The following LOC128462377 variants were observed in gnomAD, a reference collection of about 807,000 sequenced individuals.
At chr16:89,363,952 T>A in the LOC128462377 span, among the ~76,000 whole-genome samples, 1 of 151,932 alleles carries the variant, frequency 6.6e-6, no homozygotes, top group African/African-American at 2.4e-5. Flanking sequence ...TCCCAGCAAC[T>A]CAGGAGCCTG....
At chr16:89,363,201 G>T in the LOC128462377 span, among the ~76,000 whole-genome samples, 1 of 152,108 alleles carries the variant, frequency 6.6e-6, no homozygotes, top group East Asian at 1.9e-4. Flanking sequence ...CCAGATAAAA[G>T]AATTCTGATC....
chr16:89,416,010 A>G, the LOC128462377 span, among the ~76,000 whole-genome samples: 1 of 151,870 alleles, frequency 6.6e-6, no homozygotes, highest in Non-Finnish European at 1.5e-5. Flanking sequence ...ACCTCATGCT[A>G]AGGGCCTTCC....
chr16:89,394,607 G>A, the LOC128462377 span, among the ~76,000 whole-genome samples: 1 of 148,190 alleles, frequency 6.7e-6, no homozygotes, highest in East Asian at 2.0e-4. Context: ...CAGCCTGGGC[G>A]ACAAAAGCAA....
At chr16:89,336,417 T>C in the LOC128462377 span, among the ~76,000 whole-genome samples, 1 of 152,260 alleles carries the variant, frequency 6.6e-6, no homozygotes, top group South Asian at 2.1e-4. Flanking sequence ...AAGGAGTCTG[T>C]TTGCTGTGGG....
chr16:89,325,562 T>G, the LOC128462377 span, among the ~76,000 whole-genome samples: 1 of 151,996 alleles, frequency 6.6e-6, no homozygotes, highest in Non-Finnish European at 1.5e-5. Context: ...GCAACTACAG[T>G]ACTTAGGGAT....
At chr16:89,370,320 G>A in the LOC128462377 span, among the ~76,000 whole-genome samples, 2 of 152,306 alleles carry the variant, frequency 1.3e-5, no homozygotes, top group African/African-American at 4.8e-5. Flanking sequence ...GTTTCTGGAA[G>A]GAGCTGTGAG....
the LOC128462377 span, among the ~76,000 whole-genome samples, chr16:89,345,265 G>A: frequency 9.2e-5 from 2 of 21,838 alleles, no homozygotes; most frequent in East Asian, 1.5e-3. Flanking sequence ...CCCACCCCCC[G>A]GCAAAAGGAG....
chr16:89,330,772 C>A, the LOC128462377 span, among the ~76,000 whole-genome samples: 1 of 151,460 alleles, frequency 6.6e-6, no homozygotes, highest in Non-Finnish European at 1.5e-5. Flanking sequence ...CAACCTCTAG[C>A]CCACACTCTG....
At chr16:89,356,706 G>A in the LOC128462377 span, among the ~76,000 whole-genome samples, 504 of 150,674 alleles carry the variant, frequency 3.3e-3, 3 homozygotes, top group African/African-American at 0.012. Context: ...GTATGAACCC[G>A]GGAGGCCGAG....
chr16:89,394,523 G>A, the LOC128462377 span, among the ~76,000 whole-genome samples: 1 of 152,100 alleles, frequency 6.6e-6, no homozygotes, highest in Admixed American at 6.5e-5. Flanking sequence ...AGCTACTCGG[G>A]AGGCTGAGGC....
the LOC128462377 span, among the ~76,000 whole-genome samples, chr16:89,386,240 C>T: frequency 4.6e-5 from 7 of 151,554 alleles, no homozygotes; most frequent in South Asian, 1.5e-3. Flanking sequence ...ACATAATGAC[C>T]AAATAAAAAA....
the LOC128462377 span, among the ~76,000 whole-genome samples, chr16:89,414,446 C>T: frequency 6.6e-6 from 1 of 152,216 alleles, no homozygotes; most frequent in African/African-American, 2.4e-5. Flanking sequence ...CCTGAGAGGA[C>T]TAACCCTTCT....
the LOC128462377 span, among the ~76,000 whole-genome samples, chr16:89,352,971 A>G: frequency 6.6e-6 from 1 of 152,256 alleles, no homozygotes; most frequent in Non-Finnish European, 1.5e-5. Flanking sequence ...AAGTTTATGG[A>G]AAACATTAAA....
At chr16:89,323,407 G>A in the LOC128462377 span, 1 of 1,194,046 alleles carries the variant, frequency 8.4e-7, no homozygotes, top group Non-Finnish European at 1.1e-6. Flanking sequence ...AGCAGCCCAG[G>A]GCAGGGGGGC....
At chr16:89,347,607 TAA>T in the LOC128462377 span, among the ~76,000 whole-genome samples, 1,239 of 127,314 alleles carry the variant, frequency 9.7e-3, 35 homozygotes, top group East Asian at 0.059. Context: ...CGAGACTCCG[TAA>T]AAAAAAAAAA....
chr16:89,363,187 G>A, the LOC128462377 span, among the ~76,000 whole-genome samples: 1 of 152,096 alleles, frequency 6.6e-6, no homozygotes, highest in Non-Finnish European at 1.5e-5. Context: ...AATATACGAT[G>A]TTTCCAGATA....
At chr16:89,384,028 T>C in the LOC128462377 span, among the ~76,000 whole-genome samples, 128 of 152,250 alleles carry the variant, frequency 8.4e-4, no homozygotes, top group African/African-American at 2.8e-3. Context: ...AAGACCAGCC[T>C]GGCCAACATG....
chr16:89,339,896 G>C, the LOC128462377 span: 1 of 152,174 alleles, frequency 6.6e-6, no homozygotes, highest in African/African-American at 2.4e-5. Flanking sequence ...CACCAAAGCC[G>C]GCCGCTGTCT....
At chr16:89,334,141 T>TA in the LOC128462377 span, among the ~76,000 whole-genome samples, 4 of 115,576 alleles carry the variant, frequency 3.5e-5, no homozygotes, top group Non-Finnish European at 5.0e-5. Context: ...AAACCCTGTG[T>TA]TTTAAAAAAA....
Sources: allele counts gnomAD v4.1 joint callset (sites outside exome capture counted in the v4.1 genomes callset), GRCh38; gene constraint gnomAD v4.1.1; transcripts MANE v1.5.